The following TXNDC16 variants were observed in gnomAD, a reference collection of about 807,000 sequenced individuals.
The protein encoded by TXNDC16 is thioredoxin domain containing 16, also known as thioredoxin domain-containing protein 16.
In TXNDC16, 74 loss-of-function variants were observed where a neutral mutation model predicts 85.6. That is an observed-to-expected ratio of 0.86 (90% CI 0.72 to 1.05). TXNDC16 has a LOEUF of 1.05. Ranked by LOEUF, TXNDC16 falls within the 50% of genes least tolerant of loss-of-function variation. TXNDC16 has a pLI of 0.00. For synonymous variants in TXNDC16, 335 were observed against 326.5 expected, an observed-to-expected ratio of 1.03 and a Z score of -0.28; for missense variants, 959 against 947.0, an observed-to-expected ratio of 1.01 and a Z score of -0.17.
Position 52,439,413 on chromosome 14 carries a change from G to A in TXNDC16, c.2004-19C>T, listed in dbSNP as rs1317697163. On this transcript the variant is annotated intron_variant, in intron 19 of 20. Transcript: ENST00000281741. ...ATTCTTTCTGCAAAAGGGAACAATTGAACATATTAATATTTCTTTCTACAA... is the reference window on the plus strand; with the variant it reads ...ATTCTTTCTGCAAAAGGGAACAATTAAACATATTAATATTTCTTTCTACAA... 1 of 1,591,372 alleles carries A rather than the reference G, an allele frequency of 6.3e-7. No individual in the cohort carries two copies. The highest frequency in any genetic ancestry group is 2.2e-5 in the East Asian group (1 of 44,548).
At chr14:52,478,436 T>C (rs1301528673) in intron 14 of TXNDC16, among the ~76,000 whole-genome samples, 1 of 152,030 alleles carries the variant, frequency 6.6e-6, no homozygotes, top group Non-Finnish European at 1.5e-5. Context: ...TTAGCAAGAT[T>C]AACCAAGAAA....
chr14:52,518,368 T>C (rs775814186), intron 7 of TXNDC16, among the ~76,000 whole-genome samples: 1 of 152,218 alleles, frequency 6.6e-6, no homozygotes, highest in African/African-American at 2.4e-5. Flanking sequence ...TGTCAAAAAG[T>C]GAATTCCAAG....
chr14:52,490,235 C>T (rs2036368452), intron 11 of TXNDC16, among the ~76,000 whole-genome samples, 156 bp downstream of exon 11: 1 of 152,146 alleles, frequency 6.6e-6, no homozygotes, highest in Non-Finnish European at 1.5e-5. Context: ...CAGACTGACA[C>T]ATGATAAAAA....
Position 52,543,579 on chromosome 14 carries a change from A to G in TXNDC16, c.-22T>C. On this transcript the variant is annotated 5_prime_UTR_variant, in exon 3 of 21. Coordinates refer to ENST00000281741, the MANE Select transcript of TXNDC16 (RefSeq NM_020784.3). ...ACATTATCAGCTGCAGTTGTATCTGAGCGGATTTTGTCTGTTTTTTCACTG... is the reference window on the plus strand; with the variant it reads ...ACATTATCAGCTGCAGTTGTATCTGGGCGGATTTTGTCTGTTTTTTCACTG... 6.2e-7 allele frequency: 1 copy of G among 1,611,162 alleles called. No individual in the cohort carries two copies. Among genetic ancestry groups the G allele is most frequent in the Non-Finnish European group, 8.5e-7 (1 of 1,178,796 alleles).
chr14:52,457,829 A>G (rs2140117797), intron 16 of TXNDC16, among the ~76,000 whole-genome samples: 1 of 152,392 alleles, frequency 6.6e-6, no homozygotes, highest in South Asian at 2.1e-4. Context: ...TTCATTAATA[A>G]TAGCATACTG....
chr14:52,455,672 T>C (rs1398063971), intron 17 of TXNDC16, among the ~76,000 whole-genome samples: 1 of 152,184 alleles, frequency 6.6e-6, no homozygotes, highest in Non-Finnish European at 1.5e-5. Context: ...AAACTAGATT[T>C]TTAAAAAGCA....
At chr14:52,531,972 T>G (rs915389477) in intron 6 of TXNDC16, among the ~76,000 whole-genome samples, 1 of 152,160 alleles carries the variant, frequency 6.6e-6, no homozygotes, top group African/African-American at 2.4e-5. Flanking sequence ...CATCTAAAAC[T>G]GCTCAAAGTC....
chr14:52,446,732 C>T (rs1346463799), intron 18 of TXNDC16, among the ~76,000 whole-genome samples: 3 of 152,144 alleles, frequency 2.0e-5, no homozygotes, highest in Admixed American at 6.5e-5. Flanking sequence ...TGGATACCAG[C>T]TCAGCCACAG....
At chr14:52,521,532 T>C (rs879568358) in intron 6 of TXNDC16, among the ~76,000 whole-genome samples, 1 of 152,180 alleles carries the variant, frequency 6.6e-6, no homozygotes. Flanking sequence ...ATGTAGCCTC[T>C]AGAACCCCAA....
intron 6 of TXNDC16, among the ~76,000 whole-genome samples, chr14:52,532,171 G>C (rs561983066): frequency 6.6e-6 from 1 of 152,228 alleles, no homozygotes; most frequent in South Asian, 2.1e-4. Flanking sequence ...TTTACAGTTT[G>C]TGCTTTATAT....
intron 20 of TXNDC16, among the ~76,000 whole-genome samples, chr14:52,433,308 C>G (rs113747278): frequency 2.0e-3 from 310 of 152,166 alleles, no homozygotes; most frequent in African/African-American, 7.2e-3. Flanking sequence ...CTGATTAAGG[C>G]TGATAACATA....
chr14:52,525,147 C>T (rs962873792), intron 6 of TXNDC16, among the ~76,000 whole-genome samples: 2 of 151,938 alleles, frequency 1.3e-5, no homozygotes, highest in Non-Finnish European at 2.9e-5. Context: ...ATTGCAACTG[C>T]TGCCTCATGG....
intron 1 of TXNDC16, among the ~76,000 whole-genome samples, chr14:52,547,713 A>T (rs570012611): frequency 2.6e-5 from 4 of 152,328 alleles, no homozygotes; most frequent in African/African-American, 4.8e-5. Context: ...TGTGTTCAAC[A>T]GGGGGTGGCA....
At chr14:52,527,443 T>TTC (rs2037363366) in intron 6 of TXNDC16, among the ~76,000 whole-genome samples, 1 of 152,162 alleles carries the variant, frequency 6.6e-6, no homozygotes, top group Admixed American at 6.5e-5. Flanking sequence ...TTTGTTTTTT[T>TTC]CACACACTAT....
At chr14:52,455,974 G>A (rs899490088) in intron 17 of TXNDC16, among the ~76,000 whole-genome samples, 1 of 152,122 alleles carries the variant, frequency 6.6e-6, no homozygotes, top group Non-Finnish European at 1.5e-5. Flanking sequence ...TTCAAATGAG[G>A]TGTCCCTGAC....
intron 16 of TXNDC16, among the ~76,000 whole-genome samples, chr14:52,466,114 A>C (rs2035766474): frequency 6.6e-6 from 1 of 152,096 alleles, no homozygotes; most frequent in African/African-American, 2.4e-5. Flanking sequence ...TTTATTACGT[A>C]TGATGCAATA....
At chr14:52,503,523 GAAGGAA>G (rs2036713759) in intron 9 of TXNDC16, among the ~76,000 whole-genome samples, 1 of 152,196 alleles carries the variant, frequency 6.6e-6, no homozygotes, top group Non-Finnish European at 1.5e-5. Flanking sequence ...CTGACTGTTA[GAAGGAA>G]AACTAACAAA....
In TXNDC16 at chr14:52,467,120, T is replaced by G. The variant is rs528122334; in HGVS notation, c.1618+2917A>C. 8.6e-5 allele frequency among the ~76,000 whole-genome samples: 13 copies of G among 151,952 alleles called. No individual in the cohort carries two copies. The East Asian group carries it at 2.5e-3, about 29-fold the overall frequency. On this transcript the variant is annotated intron_variant, in intron 16 of 20. Transcript: ENST00000281741. ...AATAGAAAACAATTAAACAGACATA[T>G]ATCACACACACACACATATAGATAA...
At chr14:52,451,665 T>A (rs115572497) in intron 18 of TXNDC16, among the ~76,000 whole-genome samples, 2,024 of 151,996 alleles carry the variant, frequency 0.013, 44 homozygotes, top group African/African-American at 0.046. Context: ...AAAAAAACCC[T>A]CAAAAAACTG....
Sources: allele counts gnomAD v4.1 joint callset (sites outside exome capture counted in the v4.1 genomes callset), GRCh38; gene constraint gnomAD v4.1.1; transcripts MANE v1.5; gene names NCBI Gene and HGNC (gene_info 2026-07-23, HGNC 2026-07-21).